Variants in ACTR3C observed in about 807,000 individuals in gnomAD.
ACTR3C encodes the protein actin related protein 3C, also known as actin-related protein 3C.
In ACTR3C, 18 loss-of-function variants were observed where a neutral mutation model predicts 26.3. The ratio of observed to expected loss-of-function variants is 0.68; its 90% CI spans 0.47 to 1.01. The LOEUF (loss-of-function observed/expected upper bound fraction) is 1.01. ACTR3C is among the 50% of genes least tolerant of loss of function. The probability of loss-of-function intolerance (pLI) is 0.00; values close to 1 mark genes in which losing one functional copy is unlikely to be tolerated. For synonymous variants in ACTR3C, 55 were observed against 94.5 expected, an observed-to-expected ratio of 0.58 and a Z score of 2.42; for missense variants, 184 against 250.7, an observed-to-expected ratio of 0.73 and a Z score of 1.80.
chr7:150,170,879 A>T, the ACTR3C span, among the ~76,000 whole-genome samples: 1 of 143,768 alleles, frequency 7.0e-6, no homozygotes, highest in Non-Finnish European at 1.5e-5. Flanking sequence ...ATTACCAGGG[A>T]TACAGGGATC....
the ACTR3C span, among the ~76,000 whole-genome samples, chr7:150,229,746 T>G: frequency 6.7e-6 from 1 of 149,848 alleles, no homozygotes; most frequent in Non-Finnish European, 1.5e-5. Context: ...TCCACCTGCC[T>G]CAGGCTCCCA....
chr7:149,992,842 G>C, the ACTR3C span, among the ~76,000 whole-genome samples: 1 of 152,186 alleles, frequency 6.6e-6, no homozygotes, highest in Admixed American at 6.5e-5. Flanking sequence ...CTCGGGAAGA[G>C]AGAAGCCGGT....
At chr7:149,908,157 G>C in the ACTR3C span, among the ~76,000 whole-genome samples, 1 of 152,166 alleles carries the variant, frequency 6.6e-6, no homozygotes, top group Non-Finnish European at 1.5e-5. Flanking sequence ...GACACAGAGA[G>C]AAGGCAGCCC....
intron 6 of ACTR3C, among the ~76,000 whole-genome samples, chr7:150,258,807 A>G (rs1272269591): frequency 6.6e-6 from 1 of 150,988 alleles, no homozygotes; most frequent in Non-Finnish European, 1.5e-5. Context: ...GTCTCCATTT[A>G]ACTCATCAAT....
At chr7:150,302,106 T>G (rs1330459471) in intron 1 of ACTR3C, among the ~76,000 whole-genome samples, 1 of 151,962 alleles carries the variant, frequency 6.6e-6, no homozygotes, top group East Asian at 1.9e-4. Context: ...CAACGATACG[T>G]AAAAGAGCAC....
the ACTR3C span, among the ~76,000 whole-genome samples, chr7:150,141,307 G>C: frequency 6.6e-6 from 1 of 152,162 alleles, no homozygotes; most frequent in African/African-American, 2.4e-5. Context: ...AATGCAATTA[G>C]GGGACTCCTA....
chr7:150,013,629 G>A, the ACTR3C span, among the ~76,000 whole-genome samples: 1 of 152,230 alleles, frequency 6.6e-6, no homozygotes, highest in Non-Finnish European at 1.5e-5. Context: ...ATGCATGGCT[G>A]GTGAGAAAAC....
the ACTR3C span, among the ~76,000 whole-genome samples, chr7:150,211,971 C>T: frequency 6.8e-6 from 1 of 146,302 alleles, no homozygotes; most frequent in African/African-American, 2.8e-5. Context: ...GCCTAAATGC[C>T]TTATGATCTC....
rs189122504 is a variant in ACTR3C, at chr7:150,255,133, A to G, written c.565-6079T>C. 5.3e-5 allele frequency among the ~76,000 whole-genome samples: 8 copies of G among 152,134 alleles called. No homozygotes were observed. In the East Asian group the frequency reaches 1.5e-3, roughly 29 times the overall value. On this transcript the variant is annotated intron_variant, in intron 6 of 7. Coordinates refer to ENST00000683684, the MANE Select transcript of ACTR3C (RefSeq NM_001164458.2). ...ATGCTCCAAAAGTCACAGCGTAAGA[A>G]CATGTCCTAATTCCCTGTAGATTGC...
At chr7:149,884,148 A>C in the ACTR3C span, among the ~76,000 whole-genome samples, 1 of 152,174 alleles carries the variant, frequency 6.6e-6, no homozygotes, top group African/African-American at 2.4e-5. Flanking sequence ...AGGTGAAGTG[A>C]GAGGCGTGGC....
the ACTR3C span, among the ~76,000 whole-genome samples, chr7:150,059,310 C>T: frequency 6.6e-6 from 1 of 152,230 alleles, no homozygotes; most frequent in Non-Finnish European, 1.5e-5. Context: ...ACCTTTAAAA[C>T]ACATATGGCC....
the ACTR3C span, among the ~76,000 whole-genome samples, chr7:150,168,661 G>C: frequency 5.3e-5 from 8 of 150,824 alleles, no homozygotes; most frequent in East Asian, 7.7e-4. Context: ...TGCCAAAAAA[G>C]TTGGGGACTG....
chr7:150,172,798 T>C, the ACTR3C span, among the ~76,000 whole-genome samples: 2 of 150,658 alleles, frequency 1.3e-5, no homozygotes, highest in African/African-American at 5.0e-5. Flanking sequence ...CTGTTCCAAA[T>C]GGGAGAAATT....
chr7:149,939,282 A>C, the ACTR3C span, among the ~76,000 whole-genome samples: 5 of 152,196 alleles, frequency 3.3e-5, no homozygotes, highest in Non-Finnish European at 5.9e-5. Context: ...ACCCGGCCCA[A>C]ATAAGTACAA....
At chr7:150,048,815 C>G in the ACTR3C span, among the ~76,000 whole-genome samples, 162 of 152,290 alleles carry the variant, frequency 1.1e-3, no homozygotes, top group South Asian at 2.1e-3. Flanking sequence ...GGCCGCCCTC[C>G]CTCCACAGCC....
At chr7:149,963,751 AC>A in the ACTR3C span, among the ~76,000 whole-genome samples, 1 of 152,156 alleles carries the variant, frequency 6.6e-6, no homozygotes, top group South Asian at 2.1e-4. Flanking sequence ...CAGCTATGTG[AC>A]CTGGGGCATT....
At chr7:150,033,650 A>G in the ACTR3C span, among the ~76,000 whole-genome samples, 124 of 146,214 alleles carry the variant, frequency 8.5e-4, no homozygotes, top group East Asian at 3.6e-3. Flanking sequence ...GGGAAAAGGG[A>G]GTGGCTCTCA....
the ACTR3C span, among the ~76,000 whole-genome samples, chr7:150,142,050 G>A: frequency 6.6e-6 from 1 of 152,178 alleles, no homozygotes; most frequent in Non-Finnish European, 1.5e-5. Flanking sequence ...CTGTACCAAG[G>A]ATGCAACCCC....
At chr7:150,160,470 G>GA in the ACTR3C span, among the ~76,000 whole-genome samples, 1 of 152,106 alleles carries the variant, frequency 6.6e-6, no homozygotes, top group Non-Finnish European at 1.5e-5. Context: ...ATTCCTAAAG[G>GA]ACCAGGGGCA....
Sources: allele counts gnomAD v4.1 joint callset (sites outside exome capture counted in the v4.1 genomes callset), GRCh38; gene constraint gnomAD v4.1.1; transcripts MANE v1.5; gene names NCBI Gene and HGNC (gene_info 2026-07-23, HGNC 2026-07-21).